The following ZNF684 variants were observed in gnomAD, a reference collection of about 807,000 sequenced individuals.
ZNF684 encodes the protein zinc finger protein 684.
In ZNF684, 13 loss-of-function variants were observed where a neutral mutation model predicts 12.8. That is an observed-to-expected ratio of 1.02 (90% CI 0.66 to 1.62). ZNF684 has a LOEUF of 1.62. Among genes scored for constraint, ZNF684 ranks in the 40% most tolerant of loss-of-function variants. The pLI is 0.00. For missense variants in ZNF684, 384 were observed against 446.9 expected, an observed-to-expected ratio of 0.86 and a Z score of 1.27; for synonymous variants, 118 against 151.8, an observed-to-expected ratio of 0.78 and a Z score of 1.64.
At chr1:40,543,259 C>G (rs530493069) in intron 4 of ZNF684, among the ~76,000 whole-genome samples, 1 of 152,180 alleles carries the variant, frequency 6.6e-6, no homozygotes, top group Non-Finnish European at 1.5e-5. Flanking sequence ...GATATTTCTA[C>G]AAGATTTATC....
intron 2 of ZNF684, among the ~76,000 whole-genome samples, chr1:40,534,502 A>G (rs1645974322): frequency 6.6e-6 from 1 of 150,836 alleles, no homozygotes; most frequent in Non-Finnish European, 1.5e-5. Flanking sequence ...CAGCCTCCCA[A>G]AGTGCTGGGA....
At chr1:40,536,768 G>A (rs1189093602) in intron 2 of ZNF684, among the ~76,000 whole-genome samples, 1 of 144,662 alleles carries the variant, frequency 6.9e-6, no homozygotes, top group Non-Finnish European at 1.5e-5. Context: ...GCAGTGTTTG[G>A]TTTTTTGTTC....
chr1:40,547,168 A>G lies in ZNF684; in HGVS notation c.845A>G (p.Tyr282Cys). 4 of 1,614,260 alleles carry G rather than the reference A, an allele frequency of 2.5e-6. No homozygotes were observed. The highest frequency in any genetic ancestry group is 3.4e-6 in the Non-Finnish European group (4 of 1,180,050). Residue 282 changes from tyrosine (Y) to cysteine (C), a missense_variant, in exon 5 of 5, where the codon TAT (tyrosine) becomes TGT (cysteine). Tyr to Cys is a radical substitution (Grantham distance 194). Coordinates refer to ENST00000372699, the MANE Select transcript of ZNF684 (RefSeq NM_152373.4). ...ECKECGKTFR[Y>C]SSSLYKHSRF... ...AAGGAATGTGGGAAAACCTTCAGGTATAGTTCATCCCTTTATAAACATTCC... is the reference window on the plus strand; with the variant it reads ...AAGGAATGTGGGAAAACCTTCAGGTGTAGTTCATCCCTTTATAAACATTCC...
intron 2 of ZNF684, among the ~76,000 whole-genome samples, chr1:40,537,083 C>T (rs771780383): frequency 6.6e-6 from 1 of 152,130 alleles, no homozygotes; most frequent in Non-Finnish European, 1.5e-5. Flanking sequence ...CTTGAGGAAT[C>T]GCCACACTGA....
In ZNF684 at chr1:40,547,595, C is replaced by A; in HGVS notation, c.*135C>A. ...GATTCCCATAAAAAACAACCAATGC[C>A]AATCATGTTCTGGAAGTGATAATAA... On this transcript the variant is annotated 3_prime_UTR_variant, in exon 5 of 5. Coordinates refer to ENST00000372699, the MANE Select transcript of ZNF684 (RefSeq NM_152373.4). 1.4e-6 allele frequency: 1 copy of A among 734,314 alleles called. No individual in the cohort carries two copies. Among genetic ancestry groups the A allele is most frequent in the Non-Finnish European group, 2.1e-6 (1 of 483,488 alleles). 45.5% of individuals were successfully genotyped at this position (734,314 alleles called of 1,614,324 possible). A position where few individuals can be genotyped will look rare whatever the true frequency, so the allele number is the denominator to read the frequency against.
chr1:40,539,032 G>A (rs1376839299), intron 2 of ZNF684, among the ~76,000 whole-genome samples: 1 of 151,072 alleles, frequency 6.6e-6, no homozygotes, highest in Non-Finnish European at 1.5e-5. Flanking sequence ...AAAAATATAT[G>A]TATATATATT....
rs186537594 is a variant in ZNF684 at position 40,543,550 on chromosome 1, G to A, written c.238+1840G>A. Among the ~76,000 whole-genome samples, 197 of 150,836 alleles carry A rather than the reference G, an allele frequency of 1.3e-3. 3 individuals are homozygous for A. The highest frequency in any genetic ancestry group is 0.012 in the Admixed American group (177 of 15,120). Reference sequence around the variant, plus strand: ...GGGCTCACTGCAAGCTCCGCCTCCCGGGTTCACGCCATTCTCCTGCCTCAG... The same window carrying A: ...GGGCTCACTGCAAGCTCCGCCTCCCAGGTTCACGCCATTCTCCTGCCTCAG... On this transcript the variant is annotated intron_variant, in intron 4 of 4. Transcript: ENST00000372699.
chr1:40,537,324 G>A (rs1325704273), intron 2 of ZNF684, among the ~76,000 whole-genome samples: 4 of 152,206 alleles, frequency 2.6e-5, no homozygotes, highest in Admixed American at 6.5e-5. Flanking sequence ...GATATCTCCA[G>A]TATAGGGTTG....
At chr1:40,545,807 A>G (rs1333517957) in intron 4 of ZNF684, among the ~76,000 whole-genome samples, 1 of 152,068 alleles carries the variant, frequency 6.6e-6, no homozygotes, top group Non-Finnish European at 1.5e-5. Flanking sequence ...AATGTTGTCT[A>G]GAAATTAATT....
intron 2 of ZNF684, among the ~76,000 whole-genome samples, chr1:40,533,458 A>G (rs1457339224): frequency 2.0e-5 from 3 of 152,218 alleles, no homozygotes; most frequent in African/African-American, 7.2e-5. Context: ...AAGCAAAATT[A>G]TTCTCCTTGT....
chr1:40,533,686 G>A (rs1361662805), intron 2 of ZNF684, among the ~76,000 whole-genome samples: 1 of 152,066 alleles, frequency 6.6e-6, no homozygotes, highest in African/African-American at 2.4e-5. Flanking sequence ...CCTTTTTAAT[G>A]CCCACCTGGA....
rs1447716686 is a variant in ZNF684 at position 40,540,678 on chromosome 1, G to C, written c.108G>C (p.Val36=). The part of the protein sequence containing the change: ...DCAERTLYWD[V]MLENYRNLIS... Reference sequence around the variant, plus strand: ...CTGAGAGAACCCTGTATTGGGATGTGATGTTGGAGAACTATAGAAACCTCA... The same window carrying C: ...CTGAGAGAACCCTGTATTGGGATGTCATGTTGGAGAACTATAGAAACCTCA... The change falls in exon 3 of 5, where the codon GTG becomes GTC. Residue 36 remains valine (V), a synonymous_variant. Coordinates refer to ENST00000372699, the MANE Select transcript of ZNF684 (RefSeq NM_152373.4). 4 of 1,611,624 alleles carry C rather than the reference G, an allele frequency of 2.5e-6. No homozygotes were observed. The South Asian group carries it at 4.4e-5, about 18-fold the overall frequency.
At chr1:40,538,330 G>A (rs1645996094) in intron 2 of ZNF684, among the ~76,000 whole-genome samples, 1 of 152,132 alleles carries the variant, frequency 6.6e-6, no homozygotes, top group African/African-American at 2.4e-5. Context: ...TGTTGTAGAT[G>A]TACCAGTGCT....
intron 4 of ZNF684, among the ~76,000 whole-genome samples, chr1:40,543,798 T>C (rs1206194479): frequency 6.6e-6 from 1 of 152,186 alleles, no homozygotes; most frequent in African/African-American, 2.4e-5. Context: ...CTGATTCTGG[T>C]CTGTTCCTAA....
chr1:40,536,963 G>T (rs1025875695), intron 2 of ZNF684, among the ~76,000 whole-genome samples: 2 of 150,846 alleles, frequency 1.3e-5, no homozygotes, highest in East Asian at 3.9e-4. Flanking sequence ...GAATAATGCC[G>T]CAATAAACAT....
chr1:40,546,830 AAAG>A lies in ZNF684; in HGVS notation c.511_513del (p.Lys171del). On this transcript the variant is annotated inframe_deletion, in exon 5 of 5. Transcript: ENST00000372699. Reference sequence around the variant, plus strand: ...GCAGTGAATGCGGGAAAGCCTTCAAAAAGAAGTTTCATTTCATTAGACATGAAA... The same window carrying A: ...GCAGTGAATGCGGGAAAGCCTTCAAAAAGTTTCATTTCATTAGACATGAAA... 1 of 1,612,116 alleles carries A rather than the reference AAAG, an allele frequency of 6.2e-7. No homozygotes were observed. Among genetic ancestry groups the A allele is most frequent in the South Asian group, 1.1e-5 (1 of 90,364 alleles).
chr1:40,538,051 G>A (rs1005367747), intron 2 of ZNF684, among the ~76,000 whole-genome samples: 2 of 151,708 alleles, frequency 1.3e-5, no homozygotes, highest in South Asian at 4.2e-4. Flanking sequence ...TTTTTTTGAG[G>A]CAGGGTCTCA....
At chr1:40,544,424 G>A in intron 4 of ZNF684, 1 of 419,224 alleles carries the variant, frequency 2.4e-6, no homozygotes, top group Non-Finnish European at 4.8e-6. Context: ...AGGCTGGAGT[G>A]CAGTGGCGCA....
chr1:40,533,970 T>C (rs1184626694), intron 2 of ZNF684, among the ~76,000 whole-genome samples: 3 of 151,868 alleles, frequency 2.0e-5, no homozygotes. Context: ...ATTACAGGCA[T>C]GTGCCACCAC....
Sources: gnomAD v4.1 joint callset for allele counts (sites outside exome capture counted in the v4.1 genomes callset) on GRCh38, gnomAD v4.1.1 for gene constraint, MANE v1.5 for transcripts, NCBI Gene and HGNC (gene_info 2026-07-23, HGNC 2026-07-21) for gene names.